AMPH: variants seen among roughly 807,000 people sequenced by gnomAD.
The protein encoded by AMPH is amphiphysin (Stiff-Mann syndrome with breast cancer 128kD autoantigen).
AMPH carries 49 observed loss-of-function variants against 99.1 expected under a neutral mutation model. The observed-to-expected ratio is 0.49, with a 90% CI of 0.39 to 0.63. The LOEUF (loss-of-function observed/expected upper bound fraction) is 0.63, where lower values mean the gene tolerates loss of function less well. Ranked by LOEUF, AMPH falls within the 20% of genes least tolerant of loss-of-function variation. The pLI, the probability that AMPH is intolerant of heterozygous loss-of-function variation, is 0.00. For missense variants in AMPH, 759 were observed against 863.4 expected (o/e 0.88, Z 1.52); for synonymous variants, 314 against 317.3 (o/e 0.99, Z 0.11).
chr7:38,557,995 G>A, intron 1 of AMPH, among the ~76,000 whole-genome samples: 1 of 144,828 alleles, frequency 6.9e-6, no homozygotes, highest in African/African-American at 2.6e-5. Flanking sequence ...TGATAATGAA[G>A]CCCTGTATCA....
chr7:38,389,898 G>A lies in AMPH; in HGVS notation c.1886C>T (p.Thr629Ile). The change falls in exon 20 of 21, where the codon ACA becomes ATA. Residue 629 changes from threonine to isoleucine, a missense_variant. Transcript: ENST00000356264. ...LPPGFLYKVETLHDFEAANSD... is the reference protein window; with the variant it reads ...LPPGFLYKVEILHDFEAANSD... ...ATTTGCTGCCTCAAAATCATGCAGT[G>A]TTTCCACCTGCAGAAGATAAGAATA... 6.2e-7 allele frequency: 1 copy of A among 1,610,618 alleles called. No individual in the cohort carries two copies. The highest frequency in any genetic ancestry group is 2.2e-5 in the East Asian group (1 of 44,858).
At chr7:38,539,802 A>T (rs1790746147) in intron 1 of AMPH, among the ~76,000 whole-genome samples, 1 of 152,206 alleles carries the variant, frequency 6.6e-6, no homozygotes, top group African/African-American at 2.4e-5. Context: ...AAAGACCATG[A>T]TGTGCAGTTG....
Position 38,429,823 on chromosome 7 carries a change from G to T in AMPH, c.1182+19C>A, listed in dbSNP as rs1483657850. ...ATCAAATACCAAAAAAATCCAGAAT[G>T]ATCTGGATATTTACCTACCGGCTGT... On this transcript the variant is annotated intron_variant, in intron 14 of 20. Transcript: ENST00000356264. 2 of 1,601,092 alleles carry T rather than the reference G, an allele frequency of 1.2e-6. No homozygotes were observed. Among genetic ancestry groups the T allele is most frequent in the South Asian group, 1.1e-5 (1 of 88,108 alleles).
At chr7:38,507,842 T>C (rs570462448) in intron 2 of AMPH, among the ~76,000 whole-genome samples, 1 of 152,300 alleles carries the variant, frequency 6.6e-6, no homozygotes, top group Non-Finnish European at 1.5e-5. Flanking sequence ...GGGGAGTCTA[T>C]TATAATTAAG....
Position 38,589,946 on chromosome 7 carries a change from T to C in AMPH, c.69+41337A>G, listed in dbSNP as rs539196798. On this transcript the variant is annotated intron_variant, in intron 1 of 20. Transcript: ENST00000356264. ...AATGGATAAAAACAGTAAACTGTCT[T>C]AATGAGTTCTTGTTGCTCGAAATAA... Among the ~76,000 whole-genome samples the C allele has an allele frequency of 2.0e-5, 3 of 152,290 alleles. No homozygotes were observed. In the South Asian group the frequency reaches 6.2e-4, roughly 32 times the overall value.
At chr7:38,555,685 A>G (rs1375308162) in intron 1 of AMPH, among the ~76,000 whole-genome samples, 3 of 152,226 alleles carry the variant, frequency 2.0e-5, no homozygotes, top group Non-Finnish European at 2.9e-5. Flanking sequence ...ATTCTGTATG[A>G]TAATAAGAAA....
At chr7:38,630,734 A>T (rs923018840) in intron 1 of AMPH, among the ~76,000 whole-genome samples, 2 of 152,116 alleles carry the variant, frequency 1.3e-5, no homozygotes, top group African/African-American at 4.8e-5. Flanking sequence ...ATCCTACCCT[A>T]TTGGTCCTGG....
intron 2 of AMPH, among the ~76,000 whole-genome samples, chr7:38,529,477 C>T (rs1790313835): frequency 1.3e-5 from 2 of 152,256 alleles, no homozygotes; most frequent in African/African-American, 2.4e-5. Flanking sequence ...TGGTACAGCA[C>T]AGGCTGCTGG....
At chr7:38,577,760 G>A (rs1792300403) in intron 1 of AMPH, among the ~76,000 whole-genome samples, 1 of 150,614 alleles carries the variant, frequency 6.6e-6, no homozygotes, top group East Asian at 1.9e-4. Flanking sequence ...GAAGAAAAAA[G>A]GAAGGAAGGG....
intron 3 of AMPH, 39 bp downstream of exon 3, chr7:38,503,611 G>A: frequency 6.3e-7 from 1 of 1,598,068 alleles, no homozygotes; most frequent in Non-Finnish European, 8.6e-7. Flanking sequence ...AGAACAACCT[G>A]TGCTAAGTAA....
In AMPH at chr7:38,511,461, T is replaced by A. The variant is rs562406515; in HGVS notation, c.151-7757A>T. Among the ~76,000 whole-genome samples the A allele has an allele frequency of 2.0e-5, 3 of 152,236 alleles. No individual in the cohort carries two copies. In the East Asian group the frequency reaches 5.8e-4, roughly 29 times the overall value. On this transcript the variant is annotated intron_variant, in intron 2 of 20. Transcript: ENST00000356264. ...CTTTGAATATTGCAGTAATAGAGGC[T>A]CCCAGAGTATACAAGAACAATTTAT... is the stretch of plus-strand genomic sequence containing the variant.
chr7:38,395,224 G>GAAA lies in AMPH; in HGVS notation c.1399-1013_1399-1011dup, dbSNP rs3056176. 5.2e-4 allele frequency among the ~76,000 whole-genome samples: 79 copies of GAAA among 150,770 alleles called. 1 individual carries two copies. In the Middle Eastern group the frequency reaches 0.01, roughly 19 times the overall value. On this transcript the variant is annotated intron_variant, in intron 17 of 20. Coordinates refer to ENST00000356264, the MANE Select transcript of AMPH (RefSeq NM_001635.4). ...TCCAGAAGCCAAATCACTTTCACAG[G>GAAA]AAAAAAAAATACATAAGGAAGCTTT...
At chr7:38,511,572 T>C (rs892284448) in intron 2 of AMPH, among the ~76,000 whole-genome samples, 3 of 152,050 alleles carry the variant, frequency 2.0e-5, no homozygotes, top group Non-Finnish European at 4.4e-5. Flanking sequence ...CAAGAAAGCA[T>C]GAATACTAAA....
At chr7:38,491,184 T>A (rs750789848) in intron 4 of AMPH, 39 bp from the exon 5 acceptor site, 2 of 1,382,298 alleles carry the variant, frequency 1.4e-6, no homozygotes, top group East Asian at 4.7e-5. Context: ...ATTATTTTAA[T>A]TGGATACCTT....
At chr7:38,483,672 C>T (rs1788379040) in intron 5 of AMPH, among the ~76,000 whole-genome samples, 1 of 152,118 alleles carries the variant, frequency 6.6e-6, no homozygotes, top group African/African-American at 2.4e-5. Context: ...AGGTCTTCTC[C>T]TATATGGAGC....
chr7:38,495,595 C>A (rs990503386), intron 3 of AMPH, among the ~76,000 whole-genome samples: 4 of 113,672 alleles, frequency 3.5e-5, no homozygotes, highest in African/African-American at 1.4e-4. Context: ...GTGGCCCTGG[C>A]TGAGATTTTT....
intron 17 of AMPH, among the ~76,000 whole-genome samples, chr7:38,404,105 A>C (rs541843068): frequency 6.6e-6 from 1 of 152,218 alleles, no homozygotes; most frequent in South Asian, 2.1e-4. Context: ...GTCACACTGC[A>C]GACTGGAGTC....
At chr7:38,556,681 C>A (rs1791375969) in intron 1 of AMPH, among the ~76,000 whole-genome samples, 1 of 152,226 alleles carries the variant, frequency 6.6e-6, no homozygotes, top group Non-Finnish European at 1.5e-5. Context: ...TTTTTCATCA[C>A]AGCAAATGTC....
At chr7:38,571,012 T>A (rs1791948693) in intron 1 of AMPH, among the ~76,000 whole-genome samples, 1 of 75,180 alleles carries the variant, frequency 1.3e-5, no homozygotes, top group Admixed American at 2.1e-4. Context: ...ATATATAGAA[T>A]ATATATATTC....
Sources: allele counts gnomAD v4.1 joint callset (sites outside exome capture counted in the v4.1 genomes callset), GRCh38; gene constraint gnomAD v4.1.1; transcripts MANE v1.5; gene names NCBI Gene and HGNC (gene_info 2026-07-23, HGNC 2026-07-21).